Variants in C2orf76 observed in about 807,000 individuals in gnomAD.
C2orf76 encodes the protein UPF0538 protein C2orf76.
In C2orf76, 23 loss-of-function variants were observed where a neutral mutation model predicts 16.9. The ratio of observed to expected loss-of-function variants is 1.36; its 90% CI spans 0.98 to 1.93. C2orf76 has a LOEUF of 1.93. Among genes scored for constraint, C2orf76 ranks in the 30% most tolerant of loss-of-function variants. C2orf76 has a pLI of 0.00. For missense variants in C2orf76, 152 were observed against 152.6 expected, an observed-to-expected ratio of 1.00 and a Z score of 0.02; for synonymous variants, 48 against 52.3, an observed-to-expected ratio of 0.92 and a Z score of 0.35.
chr2:119,303,629 T>C (rs1678684988), intron 5 of C2orf76, among the ~76,000 whole-genome samples: 1 of 152,252 alleles, frequency 6.6e-6, no homozygotes. Context: ...TTAGACTTTA[T>C]CACAAAATAA....
At chr2:119,313,143 T>C (rs1484794512) in intron 4 of C2orf76, among the ~76,000 whole-genome samples, 3 of 152,212 alleles carry the variant, frequency 2.0e-5, no homozygotes, top group East Asian at 3.9e-4. Flanking sequence ...ATATTCTATT[T>C]GTAGAATACA....
intron 4 of C2orf76, among the ~76,000 whole-genome samples, chr2:119,313,508 A>G (rs1397508369): frequency 6.6e-6 from 1 of 151,966 alleles, no homozygotes; most frequent in African/African-American, 2.4e-5. Context: ...AAGCAGGAGG[A>G]TATCTTGATC....
the C2orf76 span, among the ~76,000 whole-genome samples, chr2:119,291,321 G>A: frequency 2.0e-5 from 3 of 151,896 alleles, no homozygotes; most frequent in Non-Finnish European, 4.4e-5. Context: ...TGAACAAGCT[G>A]TGTATCCATT....
At chr2:119,297,835 C>T (rs1678562819), downstream of C2orf76, among the ~76,000 whole-genome samples, 2 of 152,112 alleles carry the variant, frequency 1.3e-5, no homozygotes, top group South Asian at 4.1e-4. Flanking sequence ...TGACTTAAAA[C>T]ACATGAAAAA....
At chr2:119,323,906 C>T (rs1234721914) in intron 2 of C2orf76, among the ~76,000 whole-genome samples, 1 of 152,174 alleles carries the variant, frequency 6.6e-6, no homozygotes, top group East Asian at 1.9e-4. Context: ...TTTTAAAACA[C>T]TATAGGCCAA....
chr2:119,366,976 C>T (rs571201589), upstream of C2orf76: 4 of 1,596,584 alleles, frequency 2.5e-6, no homozygotes, highest in African/African-American at 2.7e-5. Flanking sequence ...AGGCGCTTGC[C>T]AGTGCAATCT....
At chr2:119,299,593 C>CA (rs1678586090), downstream of C2orf76, among the ~76,000 whole-genome samples, 1 of 152,108 alleles carries the variant, frequency 6.6e-6, no homozygotes. Context: ...TCTGCAGGCT[C>CA]TAGGGAACAA....
At chr2:119,348,271 G>A (rs930640466) in intron 1 of C2orf76, among the ~76,000 whole-genome samples, 1 of 152,160 alleles carries the variant, frequency 6.6e-6, no homozygotes, top group African/African-American at 2.4e-5. Context: ...ATGTCCAACA[G>A]TAAAGAAATG....
rs999126023 is a variant in C2orf76 at position 119,366,561 on chromosome 2, C to A, written c.-13+229G>T. On this transcript the variant is annotated intron_variant, in intron 1 of 5. Transcript: ENST00000334816. ...CTAGACCCCAAGGGAGGAGCGGGTC[C>A]CGCCCGCCATTCCCAGGTCTCAGAG... 6.1e-4 allele frequency: 285 copies of A among 466,598 alleles called. 1 individual carries two copies. The highest frequency in any genetic ancestry group is 1.9e-3 in the Admixed American group (80 of 41,796). 28.9% of individuals were successfully genotyped at this position (466,598 alleles called of 1,614,324 possible).
intron 3 of C2orf76, 144 bp from the exon 4 acceptor site, chr2:119,317,647 A>G (rs1489982712): frequency 4.0e-6 from 2 of 505,262 alleles, no homozygotes; most frequent in Non-Finnish European, 6.8e-6. Context: ...TATACTATAC[A>G]GCAAAAGAAA....
intron 1 of C2orf76, among the ~76,000 whole-genome samples, chr2:119,357,196 C>T (rs1175495253): frequency 1.3e-5 from 2 of 152,054 alleles, no homozygotes; most frequent in Non-Finnish European, 2.9e-5. Flanking sequence ...GGAACATTTC[C>T]TAATTCACTT....
rs1679965103 is a variant in C2orf76 at position 119,339,763 on chromosome 2, T to C, written c.133+64A>G. On this transcript the variant is annotated intron_variant, in intron 2 of 5. Transcript: ENST00000334816. The stretch of plus-strand genomic sequence containing the variant: ...TTTAGGATTTGTTAAAGATTATTAT[T>C]AATGTCATAGTCAGCTATTTTTAAA... 4 of 1,453,504 alleles carry C rather than the reference T, an allele frequency of 2.8e-6. No homozygotes were observed. The Middle Eastern group carries it at 7.2e-4, about 262-fold the overall frequency. The allele number at this position is 1,453,504 out of a possible 1,614,324, so 90.0% of individuals were successfully genotyped here.
chr2:119,340,200 T>C (rs1446643491), intron 1 of C2orf76: 6 of 415,538 alleles, frequency 1.4e-5, no homozygotes, highest in Non-Finnish European at 2.6e-5. Context: ...CAGTCACAGA[T>C]GTTCTGACCA....
rs1252112531 is a variant in C2orf76, at chr2:119,339,889, A to G, written c.71T>C (p.Val24Ala). ...RSFEHRNFKP[V>A]VYHGVNLDQT... ...GTCCAAATTCACTCCGTGATACACT[A>G]CAGGTTTGAAATTGCGATGTTCAAA... Residue 24 changes from valine (V) to alanine (A), a missense_variant, in exon 2 of 6, where the codon GTA becomes GCA. Coordinates refer to ENST00000334816, the MANE Select transcript of C2orf76 (RefSeq NM_001322331.2). 1.2e-6 allele frequency: 2 copies of G among 1,613,140 alleles called. No homozygotes were observed. Among genetic ancestry groups the G allele is most frequent in the Non-Finnish European group, 1.7e-6 (2 of 1,179,196 alleles).
At chr2:119,292,988 T>C in the C2orf76 span, among the ~76,000 whole-genome samples, 2 of 152,200 alleles carry the variant, frequency 1.3e-5, no homozygotes, top group Non-Finnish European at 2.9e-5. Context: ...TGAGCCGAGA[T>C]TGTGCCACTG....
chr2:119,326,001 A>T lies in C2orf76; in HGVS notation c.134-4797T>A, dbSNP rs571833410. Among the ~76,000 whole-genome samples, 30 of 152,244 alleles carry T rather than the reference A, an allele frequency of 2.0e-4. No homozygotes were observed. In the East Asian group the frequency reaches 5.2e-3, roughly 26 times the overall value. Reference sequence around the variant, plus strand: ...TTCCTAATAGTTCCTTGTTGGATGTATGTTTTACAAATATCTTCTCCACAT... The same window carrying T: ...TTCCTAATAGTTCCTTGTTGGATGTTTGTTTTACAAATATCTTCTCCACAT... On this transcript the variant is annotated intron_variant, in intron 2 of 5. Coordinates refer to ENST00000334816, the MANE Select transcript of C2orf76 (RefSeq NM_001322331.2).
intron 1 of C2orf76, among the ~76,000 whole-genome samples, chr2:119,360,775 A>G (rs991728667): frequency 1.3e-5 from 2 of 152,216 alleles, no homozygotes; most frequent in African/African-American, 4.8e-5. Context: ...TCTTTCATCT[A>G]TATGATGGAA....
chr2:119,321,853 C>CATATAT (rs34104959), intron 2 of C2orf76, among the ~76,000 whole-genome samples: 42,320 of 148,906 alleles, frequency 0.28, 6,612 homozygotes, highest in Non-Finnish European at 0.37. Context: ...TTGTGTGAGA[C>CATATAT]ATATATATAT....
At chr2:119,323,469 G>A (rs1159667586) in intron 2 of C2orf76, among the ~76,000 whole-genome samples, 2 of 152,116 alleles carry the variant, frequency 1.3e-5, no homozygotes, top group Non-Finnish European at 1.5e-5. Flanking sequence ...ACTCATGACA[G>A]CGTGTGCTCC....
Sources: gnomAD v4.1 joint callset for allele counts (sites outside exome capture counted in the v4.1 genomes callset) on GRCh38, gnomAD v4.1.1 for gene constraint, MANE v1.5 for transcripts, NCBI Gene and HGNC (gene_info 2026-07-23, HGNC 2026-07-21) for gene names.